The following RADIL variants were observed in gnomAD, a reference collection of about 807,000 sequenced individuals.
The protein encoded by RADIL is Rap associating with DIL domain.
A neutral mutation model predicts 97.6 loss-of-function variants in RADIL; 99 were observed. The observed-to-expected ratio is 1.01, with a 90% confidence interval of 0.86 to 1.20. The LOEUF is 1.20. RADIL is among the 50% of genes most tolerant of loss of function. The pLI, the probability that RADIL is intolerant of heterozygous loss-of-function variation, is 0.00. For missense variants in RADIL, 1,765 were observed against 1,498.9 expected, an observed-to-expected ratio of 1.18 and a Z score of -2.93; for synonymous variants, 803 against 691.8, an observed-to-expected ratio of 1.16 and a Z score of -2.52.
chr7:4,816,117 G>T, intron 8 of RADIL, 111 bp downstream of exon 8: 1 of 995,830 alleles, frequency 1.0e-6, no homozygotes, highest in Non-Finnish European at 1.5e-6. Context: ...TCAGGGAGCA[G>T]GAGGCCAAAA....
rs1313537677 is a variant in RADIL at position 4,813,366 on chromosome 7, C to A, written c.2139+1912G>T. 2.6e-5 allele frequency among the ~76,000 whole-genome samples: 4 copies of A among 152,190 alleles called. No homozygotes were observed. Among genetic ancestry groups the A allele is most frequent in the Non-Finnish European group, 5.9e-5 (4 of 68,030 alleles). Reference sequence around the variant, plus strand: ...CTCTGTCTCCTCTACACTGTGAAGGCACCACAGATTCCACTCCCCTTTTCA... The same window carrying A: ...CTCTGTCTCCTCTACACTGTGAAGGAACCACAGATTCCACTCCCCTTTTCA... On this transcript the variant is annotated intron_variant, in intron 9 of 14. Coordinates refer to ENST00000399583, the MANE Select transcript of RADIL (RefSeq NM_018059.5). The surrounding 1 kb of genome is among the most constrained non-coding windows in gnomAD (Gnocchi z 5.0).
intron 2 of RADIL, among the ~76,000 whole-genome samples, chr7:4,839,491 G>T (rs931619618): frequency 6.6e-6 from 1 of 152,118 alleles, no homozygotes; most frequent in Non-Finnish European, 1.5e-5. Flanking sequence ...GTCCTCAACA[G>T]GTGGCAGGGG....
intron 2 of RADIL, among the ~76,000 whole-genome samples, chr7:4,875,743 G>A (rs1201530686): frequency 6.6e-6 from 1 of 152,162 alleles, no homozygotes; most frequent in Non-Finnish European, 1.5e-5. Context: ...ATCCCACCAT[G>A]CGCCTCCTCC....
At chr7:4,876,217 AGGCTCAAGCGATCCTCCTACCTT>A (rs1784373154) in intron 2 of RADIL, among the ~76,000 whole-genome samples, 1 of 151,896 alleles carries the variant, frequency 6.6e-6, no homozygotes. Context: ...TCAAACTCCT[AGGCTCAAGCGATCCTCCTACCTT>A]GGCCTCTCAA....
Position 4,878,263 on chromosome 7 carries a change from GC to G in RADIL, c.-64-61del. ...ATCGTGACCACCAAGAGCAAATGAG[GC>G]CACAGGCGGTGACTCCTGCCCGTCA... On this transcript the variant is annotated intron_variant, in intron 1 of 14. Transcript: ENST00000399583. The surrounding 1 kb of genome is among the most constrained non-coding windows in gnomAD (Gnocchi z 4.1). The G allele has an allele frequency of 2.7e-6, 3 of 1,115,162 alleles. No individual in the cohort carries two copies. The highest frequency in any genetic ancestry group is 2.5e-6 in the Non-Finnish European group (2 of 808,908). The allele number at this position is 1,115,162 out of a possible 1,614,324, so 69.1% of individuals were successfully genotyped here. A position where few individuals can be genotyped will look rare whatever the true frequency, so the allele number is the denominator to read the frequency against.
Position 4,867,705 on chromosome 7 carries a change from T to G in RADIL, c.535+9900A>C, listed in dbSNP as rs549960018. On this transcript the variant is annotated intron_variant, in intron 2 of 14. Transcript: ENST00000399583. This position sits in a 1 kb window ranked among gnomAD's most constrained non-coding sequence, Gnocchi z 4.1. ...AATGAGCTTTATAGCTCAATCCCAC[T>G]TAGGTAAATTAAACATATACAAAAT... Among the ~76,000 whole-genome samples, 4 of 152,326 alleles carry G rather than the reference T, an allele frequency of 2.6e-5. No individual in the cohort carries two copies. Among genetic ancestry groups the G allele is most frequent in the Non-Finnish European group, 5.9e-5 (4 of 68,026 alleles).
At position 4,800,292 on chromosome 7, in the gene RADIL, G is replaced by T; in HGVS notation, c.2861C>A (p.Ala954Glu). 8 of 1,495,348 alleles carry T rather than the reference G, an allele frequency of 5.3e-6. No homozygotes were observed. Among genetic ancestry groups the T allele is most frequent in the Non-Finnish European group, 7.1e-6 (8 of 1,124,168 alleles). 92.6% of individuals were successfully genotyped at this position (1,495,348 alleles called of 1,614,324 possible). A position where few individuals can be genotyped will look rare whatever the true frequency, so the allele number is the denominator to read the frequency against. Reference protein sequence around the residue: ...AAPEGDSAALAEESPPAPSSR... With the variant: ...AAPEGDSAALEEESPPAPSSR... Reference sequence around the variant, plus strand: ...GGACGGGGCTGGAGGGGACTCCTCCGCAAGGGCTGCAGAGTCTCCTGGGTG... The same window carrying T: ...GGACGGGGCTGGAGGGGACTCCTCCTCAAGGGCTGCAGAGTCTCCTGGGTG... Residue 954 changes from alanine (A) to glutamate (E), a missense_variant, in exon 13 of 15, where the codon GCG (alanine) becomes GAG (glutamate). Physicochemically the swap from Ala to Glu is moderately radical, Grantham distance 107. Transcript: ENST00000399583.
At position 4,813,992 on chromosome 7, in the gene RADIL, C is replaced by A. The variant is rs552850163; in HGVS notation, c.2139+1286G>T. 3.3e-5 allele frequency among the ~76,000 whole-genome samples: 5 copies of A among 152,284 alleles called. No homozygotes were observed. Among genetic ancestry groups the A allele is most frequent in the African/African-American group, 1.2e-4 (5 of 41,558 alleles). On this transcript the variant is annotated intron_variant, in intron 9 of 14. Transcript: ENST00000399583. This position sits in a 1 kb window ranked among gnomAD's most constrained non-coding sequence, Gnocchi z 5.0. ...ATGGGGTCTCGCTGTGTTGCCCAGG[C>A]TGGTCTCAAACCAATGGCCTCAAGT...
At position 4,799,773 on chromosome 7, in the gene RADIL, G is replaced by A. The variant is rs745955549; in HGVS notation, c.2983-4C>T. On this transcript the variant is annotated splice_region_variant and splice_polypyrimidine_tract_variant and intron_variant, in intron 13 of 14. Coordinates refer to ENST00000399583, the MANE Select transcript of RADIL (RefSeq NM_018059.5). Reference sequence around the variant, plus strand: ...CGGGGGCGCCCAGGTGCGTGTGCTGGGGACAAGCAGAGGCCTCAGAGCTCC... The same window carrying A: ...CGGGGGCGCCCAGGTGCGTGTGCTGAGGACAAGCAGAGGCCTCAGAGCTCC... 3.9e-6 allele frequency: 6 copies of A among 1,520,168 alleles called. No homozygotes were observed. The highest frequency in any genetic ancestry group is 2.1e-5 in the Admixed American group (1 of 48,276). 94.2% of individuals were successfully genotyped at this position (1,520,168 alleles called of 1,614,324 possible).
chr7:4,799,096 G>A lies in RADIL; in HGVS notation c.*282C>T. 2.4e-6 allele frequency: 1 copy of A among 414,994 alleles called. No individual in the cohort carries two copies. 25.7% of individuals were successfully genotyped at this position (414,994 alleles called of 1,614,324 possible). A position where few individuals can be genotyped will look rare whatever the true frequency, so the allele number is the denominator to read the frequency against. ...GCTGCCCGAGTTGAGACCCCAGCAGGGCACCCTCTAAGAACGGGAAAAATA... is the reference window on the plus strand; with the variant it reads ...GCTGCCCGAGTTGAGACCCCAGCAGAGCACCCTCTAAGAACGGGAAAAATA... On this transcript the variant is annotated 3_prime_UTR_variant, in exon 15 of 15. Transcript: ENST00000399583.
intron 2 of RADIL, among the ~76,000 whole-genome samples, chr7:4,850,679 A>G (rs1274303415): frequency 2.0e-5 from 3 of 152,192 alleles, no homozygotes; most frequent in Non-Finnish European, 4.4e-5. Context: ...GGAGAGATGC[A>G]GAGACTTCAG....
At chr7:4,848,411 C>T (rs563269495) in intron 2 of RADIL, among the ~76,000 whole-genome samples, 1 of 151,290 alleles carries the variant, frequency 6.6e-6, no homozygotes, top group African/African-American at 2.4e-5. Context: ...CCCAGTCCAA[C>T]AGAGACAAGG....
rs189494245 is a variant in RADIL at position 4,878,838 on chromosome 7, G to A, written c.-64-635C>T. The stretch of plus-strand genomic sequence containing the variant: ...CCCCAGCACCATCACAGCCACAGAA[G>A]AGCAGCGGGCAGCCCAAGGGCAAAG... On this transcript the variant is annotated intron_variant, in intron 1 of 14. Coordinates refer to ENST00000399583, the MANE Select transcript of RADIL (RefSeq NM_018059.5). This position sits in a 1 kb window ranked among gnomAD's most constrained non-coding sequence, Gnocchi z 4.1. Among the ~76,000 whole-genome samples the A allele has an allele frequency of 6.6e-6, 1 of 152,366 alleles. No homozygotes were observed. Among genetic ancestry groups the A allele is most frequent in the South Asian group, 2.1e-4 (1 of 4,832 alleles).
Position 4,867,308 on chromosome 7 carries a change from C to T in RADIL, c.535+10297G>A, listed in dbSNP as rs777715805. On this transcript the variant is annotated intron_variant, in intron 2 of 14. Transcript: ENST00000399583. The surrounding 1 kb of genome is among the most constrained non-coding windows in gnomAD (Gnocchi z 4.1). The stretch of plus-strand genomic sequence containing the variant: ...AGCTCCGTTCCTGGAAGAATGCCTC[C>T]GAGAACTCTGCACAAGCCCTCAACA... Among the ~76,000 whole-genome samples, 10 of 152,234 alleles carry T rather than the reference C, an allele frequency of 6.6e-5. No homozygotes were observed. Among genetic ancestry groups the T allele is most frequent in the Admixed American group, 3.3e-4 (5 of 15,288 alleles).
rs1402583489 is a variant in RADIL at position 4,842,215 on chromosome 7, G to T, written c.536-5610C>A. On this transcript the variant is annotated intron_variant, in intron 2 of 14. Coordinates refer to ENST00000399583, the MANE Select transcript of RADIL (RefSeq NM_018059.5). The surrounding 1 kb of genome is among the most constrained non-coding windows in gnomAD (Gnocchi z 4.5). ...TGCAGGGCGCCGGGGCAATGGGGAAGATGGGGATGGGACGGTCGTTGTTGA... is the reference window on the plus strand; with the variant it reads ...TGCAGGGCGCCGGGGCAATGGGGAATATGGGGATGGGACGGTCGTTGTTGA... Among the ~76,000 whole-genome samples the T allele has an allele frequency of 6.6e-6, 1 of 152,194 alleles. No individual in the cohort carries two copies. Among genetic ancestry groups the T allele is most frequent in the Non-Finnish European group, 1.5e-5 (1 of 68,038 alleles).
At chr7:4,807,640 C>A (rs1251330572) in intron 9 of RADIL, among the ~76,000 whole-genome samples, 1 of 81,034 alleles carries the variant, frequency 1.2e-5, no homozygotes, top group Non-Finnish European at 2.5e-5. Flanking sequence ...CTCCCTCCTC[C>A]CGCTCCTTCT....
chr7:4,803,743 C>T lies in RADIL; in HGVS notation c.2302G>A (p.Glu768Lys). 1 of 1,562,518 alleles carries T rather than the reference C, an allele frequency of 6.4e-7. No individual in the cohort carries two copies. The highest frequency in any genetic ancestry group is 2.4e-5 in the East Asian group (1 of 41,694). Reference protein sequence around the residue: ...PEAFRSEDVLESYENPPPIVL... With the variant: ...PEAFRSEDVLKSYENPPPIVL... Reference sequence around the variant, plus strand: ...ATGGGTGGGGGGTTTTCGTAGGACTCCAGAACATCCTCTGCAGGGGAGAGA... The same window carrying T: ...ATGGGTGGGGGGTTTTCGTAGGACTTCAGAACATCCTCTGCAGGGGAGAGA... The change falls in exon 11 of 15, where the codon GAG (glutamate) becomes AAG (lysine). Residue 768 changes from glutamate to lysine, a missense_variant. Physicochemically the swap from Glu to Lys is moderately conservative, Grantham distance 56 (BLOSUM62 1). Coordinates refer to ENST00000399583, the MANE Select transcript of RADIL (RefSeq NM_018059.5).
At chr7:4,832,077 C>CG (rs1783158724) in intron 5 of RADIL, 64 bp downstream of exon 5, 8 of 1,571,226 alleles carry the variant, frequency 5.1e-6, no homozygotes, top group Non-Finnish European at 7.0e-6. Flanking sequence ...TTGGCTCCCC[C>CG]GGGAAGTGTG....
chr7:4,868,409 T>G (rs559940977), intron 2 of RADIL, among the ~76,000 whole-genome samples: 28 of 152,298 alleles, frequency 1.8e-4, no homozygotes, highest in African/African-American at 6.3e-4. Context: ...GGTGGCAGCC[T>G]CTGGATTAGC....
Sources: gnomAD v4.1 joint callset for allele counts (sites outside exome capture counted in the v4.1 genomes callset) on GRCh38, gnomAD v4.1.1 for gene constraint, Gnocchi (gnomAD v3.1) non-coding constraint, MANE v1.5 for transcripts, NCBI Gene and HGNC (gene_info 2026-07-23, HGNC 2026-07-21) for gene names.